Variants in SHISAL1 observed in about 807,000 individuals in gnomAD.
SHISAL1 encodes the protein protein shisa-like-1.
In SHISAL1, 9 loss-of-function variants were observed where a neutral mutation model predicts 22.6. The ratio of observed to expected loss-of-function variants is 0.40; its 90% CI spans 0.24 to 0.70. The LOEUF is 0.70. Ranked by LOEUF, SHISAL1 falls within the 30% of genes least tolerant of loss-of-function variation. The pLI is 0.39. For synonymous variants in SHISAL1, 119 were observed against 115.4 expected (o/e 1.03, Z -0.20); for missense variants, 246 against 270.6 (o/e 0.91, Z 0.64).
the SHISAL1 span, among the ~76,000 whole-genome samples, chr22:44,323,052 TCCATCCACCCACCTCACCCACCCATCCAC>T: frequency 7.5e-6 from 1 of 132,852 alleles, no homozygotes; most frequent in African/African-American, 2.9e-5. Context: ...CATCCATCCA[TCCATCCACCCACCTCACCCACCCATCCAC>T]CCATCCATCC....
chr22:44,261,578 C>T (rs1419028131), intron 4 of SHISAL1, among the ~76,000 whole-genome samples: 1 of 152,216 alleles, frequency 6.6e-6, no homozygotes, highest in Non-Finnish European at 1.5e-5. Context: ...CCACTCTAGG[C>T]CATCCTCACT....
chr22:44,325,485 G>A, the SHISAL1 span, among the ~76,000 whole-genome samples: 298 of 152,298 alleles, frequency 2.0e-3, 1 homozygote, highest in African/African-American at 6.5e-3. Context: ...CCCGTGGAGG[G>A]AGAAAGGGGC....
rs1435833171 is a variant in SHISAL1 at position 44,244,313 on chromosome 22, G to A, written c.*5372C>T. ...GGGTCATTCAACAGGGTACCTCATT[G>A]TACAAACCTAAGGGTCACCGTTCTC... On this transcript the variant is annotated 3_prime_UTR_variant, in exon 5 of 5. Coordinates refer to ENST00000381176, the MANE Select transcript of SHISAL1 (RefSeq NM_001099294.2). The A allele has an allele frequency of 2.6e-5, 4 of 152,146 alleles. No homozygotes were observed. The highest frequency in any genetic ancestry group is 5.9e-5 in the Non-Finnish European group (4 of 68,036). The allele number at this position is 152,146 out of a possible 1,614,324, so 9.4% of individuals were successfully genotyped here.
chr22:44,254,477 T>C (rs12157752), intron 4 of SHISAL1, among the ~76,000 whole-genome samples: 17,558 of 152,154 alleles, frequency 0.12, 1,811 homozygotes, highest in African/African-American at 0.25. Flanking sequence ...TCCCCTGCCC[T>C]AGCCTCCTGT....
chr22:44,289,724 G>A (rs369614278), intron 3 of SHISAL1, among the ~76,000 whole-genome samples: 6 of 152,322 alleles, frequency 3.9e-5, no homozygotes, highest in African/African-American at 7.2e-5. Context: ...GGCCTGCCAC[G>A]GCTGGCCCTC....
intron 4 of SHISAL1, among the ~76,000 whole-genome samples, chr22:44,273,096 CA>C (rs58469047): frequency 1.7e-4 from 24 of 141,772 alleles, no homozygotes; most frequent in African/African-American, 4.9e-4. Context: ...ACTCTGTCTC[CA>C]AAAAAAAAAC....
In SHISAL1 at chr22:44,274,909, C is replaced by T. The variant is rs576797040; in HGVS notation, c.599+10519G>A. 2.7e-3 allele frequency among the ~76,000 whole-genome samples: 404 copies of T among 152,218 alleles called. 7 individuals are homozygous for T. The highest frequency in any genetic ancestry group is 9.4e-3 in the African/African-American group (391 of 41,562). On this transcript the variant is annotated intron_variant, in intron 4 of 4. Transcript: ENST00000381176. ...CGGGCTCTGTTCCAGTCCTAACAAT[C>T]GTCCCACAACCTAAGGCCACTTGTG... is the stretch of plus-strand genomic sequence containing the variant.
chr22:44,288,432 C>A lies in SHISAL1; in HGVS notation c.282-2687G>T, dbSNP rs185660604. 1.4e-4 allele frequency among the ~76,000 whole-genome samples: 21 copies of A among 151,960 alleles called. No individual in the cohort carries two copies. The East Asian group carries it at 3.9e-3, about 28-fold the overall frequency. ...CCGGTGGATCACAAGGTCAGGAGAT[C>A]GAGACCATCCTGGCTAACACGGTGA... is the stretch of plus-strand genomic sequence containing the variant. On this transcript the variant is annotated intron_variant, in intron 3 of 4. Coordinates refer to ENST00000381176, the MANE Select transcript of SHISAL1 (RefSeq NM_001099294.2).
chr22:44,282,065 G>A (rs182126527), intron 4 of SHISAL1, among the ~76,000 whole-genome samples: 69 of 152,336 alleles, frequency 4.5e-4, no homozygotes, highest in Admixed American at 2.0e-3. Context: ...AGCCACTGCC[G>A]CCAGGGCCTT....
chr22:44,266,156 TCA>T (rs2055159566), intron 4 of SHISAL1, among the ~76,000 whole-genome samples: 1 of 152,182 alleles, frequency 6.6e-6, no homozygotes, highest in African/African-American at 2.4e-5. Context: ...TCCACCCACC[TCA>T]GTTTACTCAT....
At chr22:44,329,018 C>T in the SHISAL1 span, among the ~76,000 whole-genome samples, 11 of 152,216 alleles carry the variant, frequency 7.2e-5, no homozygotes, top group African/African-American at 2.7e-4. Context: ...GCTCCCCTGG[C>T]CCCAACCTCT....
intron 3 of SHISAL1, among the ~76,000 whole-genome samples, chr22:44,290,522 T>C (rs1446589224): frequency 2.0e-5 from 2 of 101,228 alleles, no homozygotes; most frequent in Non-Finnish European, 4.2e-5. Context: ...AGAGGGAAAC[T>C]CAGTCTCAAA....
At chr22:44,287,485 C>T (rs892499828) in intron 3 of SHISAL1, among the ~76,000 whole-genome samples, 12 of 152,200 alleles carry the variant, frequency 7.9e-5, no homozygotes, top group African/African-American at 2.9e-4. Context: ...TAGGCCAGTG[C>T]TTAGGCTTTG....
the SHISAL1 span, among the ~76,000 whole-genome samples, chr22:44,327,254 A>G: frequency 6.5e-5 from 7 of 107,934 alleles, no homozygotes; most frequent in African/African-American, 1.1e-4. Context: ...ACACACACAC[A>G]CACACACACA....
At chr22:44,274,210 A>T (rs1014316469) in intron 4 of SHISAL1, among the ~76,000 whole-genome samples, 32 of 152,066 alleles carry the variant, frequency 2.1e-4, no homozygotes, top group Non-Finnish European at 8.8e-5. Flanking sequence ...AGATCACACC[A>T]CTGCACTCCA....
chr22:44,284,186 CTACCTGCTAG>C (rs1337798206), intron 4 of SHISAL1, among the ~76,000 whole-genome samples: 1 of 152,138 alleles, frequency 6.6e-6, no homozygotes, highest in Non-Finnish European at 1.5e-5. Flanking sequence ...GAAAAGGTCA[CTACCTGCTAG>C]CTATGTGAAC....
chr22:44,257,926 G>C (rs1299562486), intron 4 of SHISAL1, among the ~76,000 whole-genome samples: 1 of 152,202 alleles, frequency 6.6e-6, no homozygotes, highest in African/African-American at 2.4e-5. Context: ...CGGATCACCA[G>C]GTCAGGAGTT....
chr22:44,289,578 C>A (rs1361971527), intron 3 of SHISAL1, among the ~76,000 whole-genome samples: 3 of 152,062 alleles, frequency 2.0e-5, no homozygotes, highest in African/African-American at 7.2e-5. Context: ...GCTCATCCTC[C>A]CTGTCAGGGA....
chr22:44,269,283 ACACACACCCCATGC>A (rs200259669), intron 4 of SHISAL1, among the ~76,000 whole-genome samples: 3,217 of 150,448 alleles, frequency 0.021, 222 homozygotes, highest in East Asian at 0.14. Context: ...CAACACACAT[ACACACACCCCATGC>A]CACACACCAT....
Sources: allele counts gnomAD v4.1 joint callset (sites outside exome capture counted in the v4.1 genomes callset), GRCh38; gene constraint gnomAD v4.1.1; transcripts MANE v1.5; gene names NCBI Gene and HGNC (gene_info 2026-07-23, HGNC 2026-07-21).